MCF2L: variants seen among roughly 807,000 people sequenced by gnomAD.
MCF2L encodes guanine nucleotide exchange factor DBS.
In MCF2L, 97 loss-of-function variants were observed where a neutral mutation model predicts 153.4. That is an observed-to-expected ratio of 0.63 (90% CI 0.54 to 0.75). MCF2L has a LOEUF of 0.75. Ranked by LOEUF, MCF2L falls within the 30% of genes least tolerant of loss-of-function variation. The pLI is 0.00. For synonymous variants in MCF2L, 659 were observed against 632.2 expected, an observed-to-expected ratio of 1.04 and a Z score of -0.64; for missense variants, 1,347 against 1,495.2, an observed-to-expected ratio of 0.90 and a Z score of 1.64.
chr13:112,909,106 C>G, intron 2 of MCF2L: 1 of 715,676 alleles, frequency 1.4e-6, no homozygotes, highest in East Asian at 2.5e-5. Flanking sequence ...TGAACTGTTC[C>G]CACTGCAAAG....
chr13:112,909,530 A>G lies in MCF2L; in HGVS notation c.169+7159A>G, dbSNP rs144845655. On this transcript the variant is annotated intron_variant, in intron 2 of 29. Transcript: ENST00000375608. ...GGGTGCGCAGCCAGCGGGTCTATCA[A>G]CTTGGATGCAGGTAGTGCTCAGTGG... is the stretch of plus-strand genomic sequence containing the variant. The G allele has an allele frequency of 1.0e-5, 5 of 502,148 alleles. No individual in the cohort carries two copies. In the East Asian group the frequency reaches 1.5e-4, roughly 15 times the overall value. 31.1% of individuals were successfully genotyped at this position (502,148 alleles called of 1,614,324 possible). A position where few individuals can be genotyped will look rare whatever the true frequency, so the allele number is the denominator to read the frequency against.
In MCF2L at chr13:113,064,673, C is replaced by T. The variant is rs2032083435; in HGVS notation, c.606+253C>T. On this transcript the variant is annotated intron_variant, in intron 6 of 29. Coordinates refer to ENST00000535094, the MANE Select transcript of MCF2L (RefSeq NM_001112732.3). The surrounding 1 kb of genome is among the most constrained non-coding windows in gnomAD (Gnocchi z 6.0). ...AAAAAAACCCTTGCGTTGTGGTTTG[C>T]AACACTCACTGCTCTCAACGGGGAG... The T allele has an allele frequency of 5.2e-6, 3 of 581,648 alleles. No individual in the cohort carries two copies. Among genetic ancestry groups the T allele is most frequent in the Middle Eastern group, 4.6e-4 (1 of 2,154 alleles). The allele number at this position is 581,648 out of a possible 1,614,324, so 36.0% of individuals were successfully genotyped here.
intron 1 of MCF2L, among the ~76,000 whole-genome samples, chr13:112,994,316 C>T (rs1042328065): frequency 5.3e-5 from 8 of 151,670 alleles, no homozygotes; most frequent in Admixed American, 3.3e-4. Flanking sequence ...GCCAAGCTGA[C>T]GTCACTGTCT....
Position 113,045,635 on chromosome 13 carries a change from G to A in MCF2L, c.369+274G>A, listed in dbSNP as rs889187376. The A allele has an allele frequency of 1.4e-5, 7 of 518,472 alleles. No homozygotes were observed. The highest frequency in any genetic ancestry group is 1.4e-5 in the Non-Finnish European group (4 of 287,322). The allele number at this position is 518,472 out of a possible 1,614,324, so 32.1% of individuals were successfully genotyped here. A position where few individuals can be genotyped will look rare whatever the true frequency, so the allele number is the denominator to read the frequency against. On this transcript the variant is annotated intron_variant, in intron 4 of 29. Transcript: ENST00000535094. This position sits in a 1 kb window ranked among gnomAD's most constrained non-coding sequence, Gnocchi z 4.2. Reference sequence around the variant, plus strand: ...CAGGCAGAGCAGCCCATATGTTTCCGAACACCAAGTCTGAGATGCTCGGGA... The same window carrying A: ...CAGGCAGAGCAGCCCATATGTTTCCAAACACCAAGTCTGAGATGCTCGGGA...
At position 112,911,689 on chromosome 13, in the gene MCF2L, G is replaced by A. The variant is rs567561806; in HGVS notation, c.169+9318G>A. On this transcript the variant is annotated intron_variant, in intron 2 of 29. Transcript: ENST00000375608. ...CACCTCCTTCCCCGAGGCCGAGGGC[G>A]CGGCGGGCCTGCGCCAGCCTTTCCT... is the stretch of plus-strand genomic sequence containing the variant. Among the ~76,000 whole-genome samples, 15 of 152,382 alleles carry A rather than the reference G, an allele frequency of 9.8e-5. No individual in the cohort carries two copies. The East Asian group carries it at 2.5e-3, about 25-fold the overall frequency.
Position 113,028,923 on chromosome 13 carries a change from GT to G in MCF2L, c.278+4166del, listed in dbSNP as rs1449165314. Among the ~76,000 whole-genome samples, 1 of 151,018 alleles carries G rather than the reference GT, an allele frequency of 6.6e-6. No individual in the cohort carries two copies. The highest frequency in any genetic ancestry group is 2.4e-5 in the African/African-American group (1 of 41,026). ...AATGTGAGCATGTGGCATGTGTGGGGTAAGTGGTGTGTGTGGTATGTGTGGA... is the reference window on the plus strand; with the variant it reads ...AATGTGAGCATGTGGCATGTGTGGGGAAGTGGTGTGTGTGGTATGTGTGGA... On this transcript the variant is annotated intron_variant, in intron 3 of 29. Coordinates refer to ENST00000535094, the MANE Select transcript of MCF2L (RefSeq NM_001112732.3). This position sits in a 1 kb window ranked among gnomAD's most constrained non-coding sequence, Gnocchi z 5.4.
chr13:112,946,877 C>T (rs1212071163), intron 2 of MCF2L, among the ~76,000 whole-genome samples: 3 of 152,176 alleles, frequency 2.0e-5, no homozygotes, highest in Admixed American at 6.5e-5. Flanking sequence ...AGGAAGCACA[C>T]ACAGGACAAC....
At chr13:112,957,240 A>G (rs2081769230) in intron 2 of MCF2L, 2 of 152,238 alleles carry the variant, frequency 1.3e-5, no homozygotes, top group Non-Finnish European at 2.9e-5. Context: ...TACAAATGCC[A>G]TCGCAGCACA....
chr13:113,073,130 G>A (rs972093646), intron 9 of MCF2L, among the ~76,000 whole-genome samples: 2 of 147,918 alleles, frequency 1.4e-5, no homozygotes, highest in East Asian at 4.0e-4. Flanking sequence ...AGATTTTCCC[G>A]TTGTCTTTCC....
At chr13:113,023,903 CCT>C (rs2085063136) in intron 2 of MCF2L, among the ~76,000 whole-genome samples, 2 of 152,220 alleles carry the variant, frequency 1.3e-5, no homozygotes, top group South Asian at 4.1e-4. Flanking sequence ...CGTGGGACCA[CCT>C]GCCCAATGAC....
intron 3 of MCF2L, among the ~76,000 whole-genome samples, chr13:113,025,130 C>T (rs1275411716): frequency 1.1e-5 from 1 of 88,176 alleles, no homozygotes; most frequent in African/African-American, 4.5e-5. Flanking sequence ...AGGCAGAGTC[C>T]CTGTGAGATT....
rs578055715 is a variant in MCF2L, at chr13:112,928,214, C to T, written c.169+25843C>T. Among the ~76,000 whole-genome samples the T allele has an allele frequency of 2.1e-4, 32 of 152,300 alleles. No individual in the cohort carries two copies. The South Asian group carries it at 5.0e-3, about 24-fold the overall frequency. On this transcript the variant is annotated intron_variant, in intron 2 of 29. Transcript: ENST00000375608. ...GCCGTTGCTGGGGATGCGGGTGAAA[C>T]GCGGCCGGCCGTGCACCAACGTTGT... is the stretch of plus-strand genomic sequence containing the variant.
chr13:112,912,158 T>A (rs1478285732), intron 2 of MCF2L, among the ~76,000 whole-genome samples: 1 of 152,098 alleles, frequency 6.6e-6, no homozygotes, highest in Non-Finnish European at 1.5e-5. Context: ...CTGTCCCCTG[T>A]GTTTAGTTTA....
intron 17 of MCF2L, 93 bp downstream of exon 17, chr13:113,082,635 GC>G (rs2034258085): frequency 2.1e-6 from 2 of 949,532 alleles, no homozygotes; most frequent in Non-Finnish European, 3.3e-6. Flanking sequence ...TGGAGGCCAG[GC>G]CATGCCTGGC....
rs2082517210 is a variant in MCF2L, at chr13:112,983,555, G to C, written c.79+14097G>C. On this transcript the variant is annotated intron_variant, in intron 1 of 29. Coordinates refer to ENST00000535094, the MANE Select transcript of MCF2L (RefSeq NM_001112732.3). The surrounding 1 kb of genome is among the most constrained non-coding windows in gnomAD (Gnocchi z 4.0). ...TCCCATCTCCAAAGCCCGTGGTGCT[G>C]GGCACGGCAGAGCCGTAGGCGGAGA... 6.6e-6 allele frequency among the ~76,000 whole-genome samples: 1 copy of C among 152,236 alleles called. No individual in the cohort carries two copies. The highest frequency in any genetic ancestry group is 1.5e-5 in the Non-Finnish European group (1 of 68,040).
rs964712352 is a variant in MCF2L at position 112,960,207 on chromosome 13, G to A, written c.170-54556G>A. 1.3e-5 allele frequency among the ~76,000 whole-genome samples: 2 copies of A among 152,210 alleles called. No individual in the cohort carries two copies. The highest frequency in any genetic ancestry group is 4.8e-5 in the African/African-American group (2 of 41,446). ...GGAGGCTTGGAAGCCCAAGATTGAG[G>A]GGCTGCATCTGGTGAGGGCCCCTGA... On this transcript the variant is annotated intron_variant, in intron 2 of 29. Coordinates refer to the MCF2L transcript ENST00000375608. This position sits in a 1 kb window ranked among gnomAD's most constrained non-coding sequence, Gnocchi z 4.2.
intron 2 of MCF2L, among the ~76,000 whole-genome samples, chr13:112,925,875 CAA>C (rs68070739): frequency 0.012 from 1,862 of 152,082 alleles, 45 homozygotes; most frequent in African/African-American, 0.043. Context: ...GAGAAGAAAA[CAA>C]GAAGCAAAGT....
chr13:113,067,275 C>T (rs1316943202), intron 8 of MCF2L, among the ~76,000 whole-genome samples: 2 of 144,966 alleles, frequency 1.4e-5, no homozygotes, highest in Non-Finnish European at 3.0e-5. Context: ...CCCAGCTACG[C>T]GGAGGCAGAG....
intron 1 of MCF2L, among the ~76,000 whole-genome samples, chr13:113,010,715 AC>A (rs1215198108): frequency 1.3e-5 from 2 of 151,630 alleles, no homozygotes; most frequent in African/African-American, 4.9e-5. Context: ...CCCCTCTCAG[AC>A]CTGCCTCTGA....
Sources: gnomAD v4.1 joint callset for allele counts (sites outside exome capture counted in the v4.1 genomes callset) on GRCh38, gnomAD v4.1.1 for gene constraint, Gnocchi (gnomAD v3.1) non-coding constraint, MANE v1.5 for transcripts, NCBI Gene and HGNC (gene_info 2026-07-23, HGNC 2026-07-21) for gene names.